Variants in SNX27 observed in about 807,000 individuals in gnomAD.
SNX27 encodes sorting nexin-27.
A neutral mutation model predicts 71.6 loss-of-function variants in SNX27; 22 were observed. The ratio of observed to expected loss-of-function variants is 0.31; its 90% CI spans 0.22 to 0.44. SNX27 has a LOEUF of 0.44. Ranked by LOEUF, SNX27 falls within the 20% of genes least tolerant of loss-of-function variation. SNX27 has a pLI of 1.00. For synonymous variants in SNX27, 269 were observed against 277.2 expected, an observed-to-expected ratio of 0.97 and a Z score of 0.29; for missense variants, 531 against 698.6, an observed-to-expected ratio of 0.76 and a Z score of 2.70.
chr1:151,631,428 T>C (rs1267344973), intron 1 of SNX27, among the ~76,000 whole-genome samples: 1 of 152,202 alleles, frequency 6.6e-6, no homozygotes, highest in Non-Finnish European at 1.5e-5. Context: ...TCACCCTAAC[T>C]CAACTATTTT....
intron 1 of SNX27, among the ~76,000 whole-genome samples, chr1:151,638,546 G>C (rs1279685944): frequency 6.6e-6 from 1 of 152,180 alleles, no homozygotes; most frequent in Non-Finnish European, 1.5e-5. Flanking sequence ...TTGTATACAT[G>C]CTTAGTTAGA....
At chr1:151,652,128 C>T (rs961984514) in intron 2 of SNX27, among the ~76,000 whole-genome samples, 15 of 147,328 alleles carry the variant, frequency 1.0e-4, no homozygotes, top group African/African-American at 3.0e-4. Context: ...TGCAGTGAGC[C>T]GAGATGGCAG....
intron 1 of SNX27, among the ~76,000 whole-genome samples, chr1:151,630,468 T>G (rs1668175154): frequency 1.3e-5 from 2 of 152,326 alleles, no homozygotes; most frequent in South Asian, 4.1e-4. Context: ...GCAAGCATTT[T>G]GGAAAACTTT....
Position 151,696,498 on chromosome 1 carries a change from T to TTCTTTCTTTCGTTCTTTCG in SNX27, c.*2082_*2083insCTTTCTTTCGTTCTTTCGT, listed in dbSNP as rs1571887285. 9.4e-6 allele frequency: 1 copy of TTCTTTCTTTCGTTCTTTCG among 106,500 alleles called. No individual in the cohort carries two copies. Among genetic ancestry groups the TTCTTTCTTTCGTTCTTTCG allele is most frequent in the African/African-American group, 3.5e-5 (1 of 28,466 alleles). The allele number at this position is 106,500 out of a possible 1,614,324, so 6.6% of individuals were successfully genotyped here. A position where few individuals can be genotyped will look rare whatever the true frequency, so the allele number is the denominator to read the frequency against. ...CTTTCTTTCTTTCTTTCTTTCTTTC[T>TTCTTTCTTTCGTTCTTTCG]TTCTTTCGTTCTTTCGTTCTTTCGT... On this transcript the variant is annotated 3_prime_UTR_variant, in exon 12 of 12. Transcript: ENST00000458013.
intron 8 of SNX27, among the ~76,000 whole-genome samples, chr1:151,684,956 C>T (rs1362360275): frequency 1.3e-5 from 2 of 151,918 alleles, no homozygotes; most frequent in South Asian, 2.1e-4. Flanking sequence ...CTATAGGCAC[C>T]CAACACCACG....
In SNX27 at chr1:151,692,432, T is replaced by TTTTTAACAAAAA; in HGVS notation, c.1240-3_1240-2insTTTTAACAAAAA. The TTTTTAACAAAAA allele has an allele frequency of 1.4e-6, 2 of 1,452,070 alleles. No individual in the cohort carries two copies. Among genetic ancestry groups the TTTTTAACAAAAA allele is most frequent in the Non-Finnish European group, 1.8e-6 (2 of 1,101,928 alleles). 89.9% of individuals were successfully genotyped at this position (1,452,070 alleles called of 1,614,324 possible). On this transcript the variant is annotated splice_polypyrimidine_tract_variant and splice_region_variant and intron_variant, in intron 8 of 11. Coordinates refer to ENST00000458013, the MANE Select transcript of SNX27 (RefSeq NM_001330723.2). ...TTTTTTTTTTTTTTTTTTTTTTTTT[T>TTTTTAACAAAAA]AGTACCTCAACATGCTAAGGACTTG... is the stretch of plus-strand genomic sequence containing the variant.
intron 2 of SNX27, among the ~76,000 whole-genome samples, chr1:151,641,694 T>TAG (rs1668757463): frequency 7.8e-6 from 1 of 127,618 alleles, no homozygotes; most frequent in Non-Finnish European, 1.6e-5. Context: ...GATATATATA[T>TAG]CATATATATG....
At chr1:151,616,466 A>G (rs1667429705) in intron 1 of SNX27, among the ~76,000 whole-genome samples, 1 of 152,238 alleles carries the variant, frequency 6.6e-6, no homozygotes, top group Admixed American at 6.5e-5. Context: ...TAGCCACCAG[A>G]TAATAGACTC....
Position 151,694,674 on chromosome 1 carries a change from G to A in SNX27, c.*257G>A. ...GAAAAGAAATAAGCCCAACCAACTT[G>A]CCAAAGGTATCTTTGTCCTTTCACC... On this transcript the variant is annotated 3_prime_UTR_variant, in exon 12 of 12. Coordinates refer to ENST00000458013, the MANE Select transcript of SNX27 (RefSeq NM_001330723.2). 2.5e-6 allele frequency: 1 copy of A among 396,148 alleles called. No individual in the cohort carries two copies. 24.5% of individuals were successfully genotyped at this position (396,148 alleles called of 1,614,324 possible). A position where few individuals can be genotyped will look rare whatever the true frequency, so the allele number is the denominator to read the frequency against.
At chr1:151,662,067 C>T (rs1183268248) in intron 4 of SNX27, 99 bp from the exon 5 acceptor site, 2 of 738,756 alleles carry the variant, frequency 2.7e-6, no homozygotes, top group East Asian at 2.9e-5. Flanking sequence ...GAACTCACTT[C>T]TTCTCTACCA....
chr1:151,694,230 A>G (rs1003425735), intron 11 of SNX27, 140 bp from the exon 12 acceptor site: 3 of 1,447,560 alleles, frequency 2.1e-6, no homozygotes, highest in Admixed American at 5.1e-5. Context: ...CTATGATTCT[A>G]GATGAGAAGT....
chr1:151,649,239 C>T (rs1431622482), intron 2 of SNX27, among the ~76,000 whole-genome samples: 4 of 152,008 alleles, frequency 2.6e-5, no homozygotes, highest in Non-Finnish European at 2.9e-5. Flanking sequence ...AGATTACAGA[C>T]GTGAGCCACT....
At chr1:151,687,958 AAAC>A (rs941454114) in intron 8 of SNX27, among the ~76,000 whole-genome samples, 4 of 144,874 alleles carry the variant, frequency 2.8e-5, no homozygotes, top group African/African-American at 7.5e-5. Context: ...AAAAAAAAAA[AAAC>A]AACGAAAAAC....
intron 7 of SNX27, among the ~76,000 whole-genome samples, chr1:151,683,043 C>CA (rs528610163): frequency 4.6e-5 from 7 of 152,080 alleles, no homozygotes; most frequent in South Asian, 4.1e-4. Context: ...TCAAAACAAA[C>CA]AAAAAAACCC....
chr1:151,655,754 C>T lies in SNX27; in HGVS notation c.544-2481C>T, dbSNP rs186652903. Among the ~76,000 whole-genome samples, 103 of 152,246 alleles carry T rather than the reference C, an allele frequency of 6.8e-4. 1 individual carries two copies. The highest frequency in any genetic ancestry group is 2.4e-3 in the African/African-American group (99 of 41,524). On this transcript the variant is annotated intron_variant, in intron 2 of 11. Coordinates refer to ENST00000458013, the MANE Select transcript of SNX27 (RefSeq NM_001330723.2). ...TATTTAATGGGAGGTTAATTACCAC[C>T]TGGAAGTCCACAGATTGTTCTATAA...
intron 7 of SNX27, chr1:151,676,644 A>G (rs1195673246): frequency 6.6e-6 from 1 of 152,022 alleles, no homozygotes; most frequent in East Asian, 1.9e-4. Flanking sequence ...ATTTAGTATA[A>G]CAATGTTTAT....
chr1:151,657,855 G>T (rs1248567755), intron 2 of SNX27, among the ~76,000 whole-genome samples: 1 of 152,078 alleles, frequency 6.6e-6, no homozygotes, highest in Non-Finnish European at 1.5e-5. Flanking sequence ...ACAAAAATTA[G>T]CCAGGTATGG....
intron 1 of SNX27, among the ~76,000 whole-genome samples, chr1:151,624,391 T>A (rs1179573181): frequency 6.7e-6 from 1 of 149,010 alleles, no homozygotes; most frequent in Non-Finnish European, 1.5e-5. Context: ...GAGCTTTTTT[T>A]TTCTGAATAG....
At chr1:151,631,323 T>A (rs1365936693) in intron 1 of SNX27, among the ~76,000 whole-genome samples, 1 of 152,210 alleles carries the variant, frequency 6.6e-6, no homozygotes, top group Non-Finnish European at 1.5e-5. Flanking sequence ...TTTAAGAAGA[T>A]ATGTTGTGGA....
Sources: allele counts gnomAD v4.1 joint callset (sites outside exome capture counted in the v4.1 genomes callset), GRCh38; gene constraint gnomAD v4.1.1; transcripts MANE v1.5; gene names NCBI Gene and HGNC (gene_info 2026-07-23, HGNC 2026-07-21).